The following TTN variants were observed in gnomAD, a reference collection of about 807,000 sequenced individuals.
TTN encodes the protein connectin.
Under a neutral mutation model 3,223.0 loss-of-function variants are expected in TTN, and 1,525 were observed. The observed-to-expected ratio is 0.47, with a 90% CI of 0.45 to 0.49. The LOEUF is 0.49. Ranked by LOEUF, TTN falls within the 20% of genes least tolerant of loss-of-function variation. The probability of loss-of-function intolerance (pLI) is 0.00; values close to 1 mark genes in which losing one functional copy is unlikely to be tolerated. For synonymous variants in TTN, 14,094 were observed against 15,161.0 expected (o/e 0.93, Z 5.17); for missense variants, 40,786 against 43,424.0 (o/e 0.94, Z 5.40).
At chr2:178,629,543 G>A in intron 239 of TTN, 100 bp from the exon 240 acceptor site, 3 of 1,542,618 alleles carry the variant, frequency 1.9e-6, no homozygotes. Flanking sequence ...CTTTCTTCAA[G>A]AAGCCACAGG....
At chr2:178,789,764 T>C (rs185363351) in intron 12 of TTN, among the ~76,000 whole-genome samples, 2 of 152,236 alleles carry the variant, frequency 1.3e-5, no homozygotes, top group African/African-American at 4.8e-5. Flanking sequence ...CAAAGAATAA[T>C]GGTGAATAAA....
intron 47 of TTN, chr2:178,747,928 TC>T: frequency 1.2e-6 from 2 of 1,613,114 alleles, no homozygotes. Flanking sequence ...GGGAGAGCTG[TC>T]TATGGAGTGT....
At chr2:178,628,304 T>C (rs2059338470) in intron 240 of TTN, among the ~76,000 whole-genome samples, 1 of 152,098 alleles carries the variant, frequency 6.6e-6, no homozygotes, top group South Asian at 2.1e-4. Context: ...CACTTTTTAA[T>C]TATATTCCTT....
chr2:178,664,482 C>A lies in TTN; in HGVS notation c.36258G>T (p.Arg12086Ser). ...TACCTTTGACAGGTACAACTTCAGC[C>A]CTTTGGGGAGGATGCACTTTCTTTT... ...VPEKKVHPPQ[R>S]AEVVPVKVHE... The change falls in exon 168 of 363, where the codon AGG becomes AGT. Residue 12086 changes from arginine (R) to serine (S), a missense_variant. Coordinates refer to ENST00000589042, the MANE Select transcript of TTN (RefSeq NM_001267550.2). 3 of 1,612,182 alleles carry A rather than the reference C, an allele frequency of 1.9e-6. No homozygotes were observed. Among genetic ancestry groups the A allele is most frequent in the South Asian group, 1.1e-5 (1 of 91,028 alleles).
In TTN at chr2:178,608,053, G is replaced by A. The variant is rs2055344679; in HGVS notation, c.52734C>T (p.Val17578=). ...ISPPGPPIPR[V]TDTSSTTIEL... is the part of the protein sequence containing the mutation. ...CAATAGTTGTAGAGCTTGTGTCAGTGACTCTTGGGATAGGTGGCCCAGGAG... is the reference window on the plus strand; with the variant it reads ...CAATAGTTGTAGAGCTTGTGTCAGTAACTCTTGGGATAGGTGGCCCAGGAG... Residue 17578 remains valine (V), a synonymous_variant, in exon 276 of 363, where the codon GTC becomes GTT. Transcript: ENST00000589042. 1 of 1,612,444 alleles carries A rather than the reference G, an allele frequency of 6.2e-7. No individual in the cohort carries two copies. Among genetic ancestry groups the A allele is most frequent in the Non-Finnish European group, 8.5e-7 (1 of 1,179,232 alleles).
chr2:178,714,446 G>A lies in TTN; in HGVS notation c.26328C>T (p.Ile8776=), dbSNP rs779251598. 6 of 1,613,574 alleles carry A rather than the reference G, an allele frequency of 3.7e-6. No individual in the cohort carries two copies. The highest frequency in any genetic ancestry group is 3.3e-5 in the South Asian group (3 of 91,068). The part of the protein sequence containing the change: ...SVVWFKDKGE[I]VRESDNIWIS... The stretch of plus-strand genomic sequence containing the variant: ...TCCATATGTTGTCACTTTCTCTAAC[G>A]ATTTCTCCCTTATCTTTGAACCACA... Residue 8776 remains isoleucine (I), a synonymous_variant, in exon 91 of 363, where the codon ATC becomes ATT. Coordinates refer to ENST00000589042, the MANE Select transcript of TTN (RefSeq NM_001267550.2).
At position 178,636,466 on chromosome 2, in the gene TTN, C is replaced by T; in HGVS notation, c.41261G>A (p.Gly13754Asp). 6.2e-7 allele frequency: 1 copy of T among 1,613,254 alleles called. No individual in the cohort carries two copies. Among genetic ancestry groups the T allele is most frequent in the East Asian group, 2.2e-5 (1 of 44,734 alleles). ...CAAACGTAAAACACAGGTGTATTCA[C>T]CAGCATCGGAAAGTTGAACATCAAT... ...HIIDVQLSDAGEYTCVLRLGN... is the reference protein window; with the variant it reads ...HIIDVQLSDADEYTCVLRLGN... The change falls in exon 225 of 363, where the codon GGT (glycine) becomes GAT (aspartate). Residue 13754 changes from glycine (G) to aspartate (D), a missense_variant. By Grantham distance (94) the Gly-to-Asp change is moderately conservative (BLOSUM62 -1). Transcript: ENST00000589042. The surrounding 1 kb of genome is among the most constrained non-coding windows in gnomAD (Gnocchi z 4.3).
chr2:178,529,632 C>A (rs913550310), intron 359 of TTN, among the ~76,000 whole-genome samples: 4 of 152,138 alleles, frequency 2.6e-5, no homozygotes, highest in Non-Finnish European at 5.9e-5. Context: ...GGAAAATTAG[C>A]AACTGTGAAG....
rs1179833496 is a variant in TTN, at chr2:178,713,097, A to G, written c.27037T>C (p.Leu9013=). 1 of 1,612,986 alleles carries G rather than the reference A, an allele frequency of 6.2e-7. No individual in the cohort carries two copies. Among genetic ancestry groups the G allele is most frequent in the African/African-American group, 1.3e-5 (1 of 74,926 alleles). Residue 9013 remains leucine (L), a synonymous_variant, in exon 93 of 363, where the codon TTG becomes CTG. Coordinates refer to ENST00000589042, the MANE Select transcript of TTN (RefSeq NM_001267550.2). ...TTTGTAAACTGACCTCTCACAGTCAAAGGAGCACTACATTCATCAGAACCA... is the reference window on the plus strand; with the variant it reads ...TTTGTAAACTGACCTCTCACAGTCAGAGGAGCACTACATTCATCAGAACCA... The part of the protein sequence containing the change: ...MAGSDECSAP[L]TVREPPSFVQ...
intron 134 of TTN, 108 bp from the exon 135 acceptor site, chr2:178,683,011 T>C (rs778851752): frequency 1.5e-4 from 167 of 1,146,268 alleles, no homozygotes; most frequent in Non-Finnish European, 1.8e-4. Context: ...TTTCATGCAC[T>C]GATTATGGGA....
At chr2:178,595,905 G>A (rs1232216488) in intron 294 of TTN, 96 bp from the exon 295 acceptor site, 2 of 1,261,506 alleles carry the variant, frequency 1.6e-6, no homozygotes, top group Non-Finnish European at 2.2e-6. Context: ...ATGTTGTTTT[G>A]AAGAAAGTAA....
At chr2:178,746,102 T>C in intron 47 of TTN, 1 of 1,613,482 alleles carries the variant, frequency 6.2e-7, no homozygotes, top group Non-Finnish European at 8.5e-7. Context: ...GTGACTTCCC[T>C]TCTCCTCGCT....
intron 240 of TTN, among the ~76,000 whole-genome samples, chr2:178,627,093 A>C (rs1051958715): frequency 8.6e-5 from 13 of 152,010 alleles, no homozygotes; most frequent in African/African-American, 3.1e-4. Flanking sequence ...GAAGCATATT[A>C]ATATAATACG....
chr2:178,564,203 G>C lies in TTN; in HGVS notation c.81929C>G (p.Ser27310Ter). 6.2e-7 allele frequency: 1 copy of C among 1,613,498 alleles called. No individual in the cohort carries two copies. Among genetic ancestry groups the C allele is most frequent in the Non-Finnish European group, 8.5e-7 (1 of 1,179,740 alleles). Reference sequence around the variant, plus strand: ...TTCTTCAAGTTCTTTTCCATCTTTTGACCAAACAACATCAGGTATAGGTTT... The same window carrying C: ...TTCTTCAAGTTCTTTTCCATCTTTTCACCAAACAACATCAGGTATAGGTTT... ...RGKPIPDVVW[S>*]KDGKELEETA... The change falls in exon 326 of 363, where the codon TCA becomes TGA. Residue 27310 changes from serine (S) to a stop codon, truncating the protein, a stop_gained. Coordinates refer to ENST00000589042, the MANE Select transcript of TTN (RefSeq NM_001267550.2). LOFTEE classifies it high-confidence loss of function.
At position 178,599,866 on chromosome 2, in the gene TTN, A is replaced by T. The variant is rs1213125853; in HGVS notation, c.56051-16T>A. On this transcript the variant is annotated splice_polypyrimidine_tract_variant and intron_variant, in intron 288 of 362. Coordinates refer to ENST00000589042, the MANE Select transcript of TTN (RefSeq NM_001267550.2). Reference sequence around the variant, plus strand: ...GATGGTGGGCCTAGATTATTTAAAAAAAGTTGTCATTAGGAGCAAAAAGCA... The same window carrying T: ...GATGGTGGGCCTAGATTATTTAAAATAAGTTGTCATTAGGAGCAAAAAGCA... 2.0e-6 allele frequency: 3 copies of T among 1,536,514 alleles called. No homozygotes were observed. The Admixed American group carries it at 6.5e-5, about 34-fold the overall frequency.
rs766335027 is a variant in TTN, at chr2:178,566,741, T to C, written c.79391A>G (p.Glu26464Gly). The C allele has an allele frequency of 1.9e-6, 3 of 1,613,420 alleles. No homozygotes were observed. In the South Asian group the frequency reaches 3.3e-5, roughly 18 times the overall value. The stretch of plus-strand genomic sequence containing the variant: ...TGGTTCCCCAACTCCAGCAGCATTT[T>C]CTGCAGAGACCCTGAATTCATACTC... Reference protein sequence around the residue: ...DHEYEFRVSAENAAGVGEPSP... With the variant: ...DHEYEFRVSAGNAAGVGEPSP... The change falls in exon 326 of 363, where the codon GAA becomes GGA. Residue 26464 changes from glutamate to glycine, a missense_variant. By Grantham distance (98) the Glu-to-Gly change is moderately conservative. Coordinates refer to ENST00000589042, the MANE Select transcript of TTN (RefSeq NM_001267550.2).
At chr2:178,675,808 G>A in intron 148 of TTN, 54 bp from the exon 149 acceptor site, 1 of 1,525,188 alleles carries the variant, frequency 6.6e-7, no homozygotes, top group Non-Finnish European at 8.9e-7. Context: ...ACAAAGACAA[G>A]TAGACACAGC....
chr2:178,622,058 A>G (rs370302904), intron 243 of TTN, 50 bp from the exon 244 acceptor site: 9 of 1,510,578 alleles, frequency 6.0e-6, no homozygotes, highest in Non-Finnish European at 8.0e-6. Flanking sequence ...TCCTTCACAC[A>G]GGTGTCCTTA....
intron 47 of TTN, chr2:178,747,678 A>G: frequency 6.2e-7 from 1 of 1,613,028 alleles, no homozygotes; most frequent in Non-Finnish European, 8.5e-7. Flanking sequence ...GCAAGTAAAT[A>G]TTGTGTTAGG....
Sources: allele counts gnomAD v4.1 joint callset (sites outside exome capture counted in the v4.1 genomes callset), GRCh38; gene constraint gnomAD v4.1.1; non-coding constraint Gnocchi (gnomAD v3.1); transcripts MANE v1.5; gene names NCBI Gene and HGNC (gene_info 2026-07-23, HGNC 2026-07-21).